Variants in PLD5 observed in about 807,000 individuals in gnomAD.
PLD5 encodes the protein inactive phospholipase D5.
PLD5 carries 36 observed loss-of-function variants against 61.1 expected under a neutral mutation model. The ratio of observed to expected loss-of-function variants is 0.59; its 90% confidence interval spans 0.45 to 0.78. The LOEUF is 0.78. Ranked by LOEUF, PLD5 falls within the 30% of genes least tolerant of loss-of-function variation. The pLI is 0.00. For missense variants in PLD5, 515 were observed against 644.4 expected, an observed-to-expected ratio of 0.80 and a Z score of 2.17; for synonymous variants, 243 against 242.8, an observed-to-expected ratio of 1.00 and a Z score of -0.01.
intron 1 of PLD5, among the ~76,000 whole-genome samples, chr1:242,465,234 G>A (rs1320838222): frequency 1.3e-5 from 2 of 152,014 alleles, no homozygotes; most frequent in African/African-American, 4.8e-5. Context: ...GAAATCACTC[G>A]GACTCTACAC....
intron 2 of PLD5, among the ~76,000 whole-genome samples, chr1:242,340,044 C>A (rs1455845146): frequency 6.6e-6 from 1 of 152,118 alleles, no homozygotes; most frequent in Non-Finnish European, 1.5e-5. Flanking sequence ...AGGGAAAATA[C>A]TTCAGAATAT....
At chr1:242,446,792 G>C (rs1331816904) in intron 1 of PLD5, among the ~76,000 whole-genome samples, 1 of 152,154 alleles carries the variant, frequency 6.6e-6, no homozygotes, top group Non-Finnish European at 1.5e-5. Context: ...TTGAAATTTC[G>C]AGGCTGGGGC....
At position 242,107,708 on chromosome 1, in the gene PLD5, G is replaced by A. The variant is rs759214303; in HGVS notation, c.1202C>T (p.Ala401Val). Residue 401 changes from alanine to valine, a missense_variant, in exon 8 of 10, where the codon GCG (alanine) becomes GTG (valine). By Grantham distance (64) the Ala-to-Val change is moderately conservative (BLOSUM62 0). Around this residue, in one of 2 missense-constraint regions of PLD5, gnomAD observed 450 missense variants for 598.1 expected, o/e 0.75. Transcript: ENST00000536534. ...LTFNFISSLK[A>V]ICTEIANCSL... ...GCAGTTGGCTATTTCAGTGCAAATC[G>A]CTTTAAGAGATGAAATAAAGTTAAA... 9 of 1,601,848 alleles carry A rather than the reference G, an allele frequency of 5.6e-6. No individual in the cohort carries two copies. Among genetic ancestry groups the A allele is most frequent in the African/African-American group, 2.7e-5 (2 of 74,214 alleles).
intron 1 of PLD5, among the ~76,000 whole-genome samples, chr1:242,400,823 T>A (rs1663890536): frequency 6.6e-6 from 1 of 152,108 alleles, no homozygotes; most frequent in Non-Finnish European, 1.5e-5. Context: ...AGGCAAAGCA[T>A]GAGCCTTGAG....
chr1:242,121,713 T>C (rs1026590402), intron 6 of PLD5, among the ~76,000 whole-genome samples: 14 of 151,996 alleles, frequency 9.2e-5, no homozygotes, highest in Non-Finnish European at 1.8e-4. Flanking sequence ...AATGATAGAC[T>C]GGATTAAGAA....
chr1:242,316,857 C>G (rs1361774305), intron 2 of PLD5, among the ~76,000 whole-genome samples: 1 of 152,082 alleles, frequency 6.6e-6, no homozygotes, highest in Non-Finnish European at 1.5e-5. Flanking sequence ...TAAGTGAGAA[C>G]ATGCGGTATT....
chr1:242,361,281 C>T (rs182977429), intron 1 of PLD5, among the ~76,000 whole-genome samples: 1 of 152,060 alleles, frequency 6.6e-6, no homozygotes, highest in African/African-American at 2.4e-5. Flanking sequence ...TTAAATATCT[C>T]CTTGGAACAA....
intron 5 of PLD5, among the ~76,000 whole-genome samples, chr1:242,190,255 C>CCTAT (rs1668173515): frequency 6.7e-6 from 1 of 149,220 alleles, no homozygotes; most frequent in Non-Finnish European, 1.5e-5. Flanking sequence ...ACGCCATTCT[C>CCTAT]CTATCTCAGC....
intron 5 of PLD5, among the ~76,000 whole-genome samples, chr1:242,169,161 T>C (rs1172024611): frequency 6.6e-6 from 1 of 151,982 alleles, no homozygotes; most frequent in African/African-American, 2.4e-5. Flanking sequence ...GATGGTCAAA[T>C]AGGAACAGCT....
At chr1:242,410,927 T>C (rs1664512508) in intron 1 of PLD5, among the ~76,000 whole-genome samples, 1 of 151,622 alleles carries the variant, frequency 6.6e-6, no homozygotes, top group Admixed American at 6.6e-5. Flanking sequence ...AATTTCATTC[T>C]GTGCCCAATG....
intron 3 of PLD5, among the ~76,000 whole-genome samples, chr1:242,282,099 A>G (rs1674747884): frequency 1.3e-5 from 2 of 152,222 alleles, no homozygotes; most frequent in African/African-American, 4.8e-5. Context: ...GTGTGTACAC[A>G]AATCAGTGAA....
Position 242,124,567 on chromosome 1 carries a change from T to A in PLD5, c.834A>T (p.Arg278Ser). Residue 278 changes from arginine (R) to serine (S), a missense_variant, in exon 6 of 10, where the codon AGA (arginine) becomes AGT (serine). By Grantham distance (110) the Arg-to-Ser change is moderately radical. Transcript: ENST00000536534. Reference protein sequence around the residue: ...ALYSSLKFKSRVPQTWSKRLY... With the variant: ...ALYSSLKFKSSVPQTWSKRLY... ...GTCTTTTGGACCAGGTTTGAGGCAC[T>A]CTGCTTTTGAATTTTAATGAACTAT... 1.2e-6 allele frequency: 2 copies of A among 1,613,990 alleles called. No homozygotes were observed. Among genetic ancestry groups the A allele is most frequent in the Non-Finnish European group, 1.7e-6 (2 of 1,179,850 alleles).
chr1:242,525,725 G>A (rs1002495352), upstream of PLD5, among the ~76,000 whole-genome samples: 6 of 152,156 alleles, frequency 3.9e-5, no homozygotes, highest in African/African-American at 1.4e-4. Flanking sequence ...TCTAGCCCTC[G>A]GCAGAACTGC....
chr1:242,329,210 A>T (rs1285709361), intron 2 of PLD5, among the ~76,000 whole-genome samples: 1 of 152,020 alleles, frequency 6.6e-6, no homozygotes, highest in African/African-American at 2.4e-5. Context: ...GGGTTTCACC[A>T]TGTTGCGCAG....
At chr1:242,173,921 G>C (rs1262698527) in intron 5 of PLD5, among the ~76,000 whole-genome samples, 1 of 152,132 alleles carries the variant, frequency 6.6e-6, no homozygotes, top group Non-Finnish European at 1.5e-5. Context: ...AGACTTAAAT[G>C]TTAGATCTAA....
rs144014877 is a variant in PLD5, at chr1:242,512,182, A to T, written c.189+11906T>A. On this transcript the variant is annotated intron_variant, in intron 1 of 9. Transcript: ENST00000536534. ...ATCCCAGCACTTTGGGAGGCCAAGG[A>T]GGGCAGATCACGAGGTCAGGAGATC... Among the ~76,000 whole-genome samples the T allele has an allele frequency of 4.7e-3, 713 of 151,280 alleles. 1 individual carries two copies. The highest frequency in any genetic ancestry group is 6.8e-3 in the Non-Finnish European group (462 of 67,788).
intron 5 of PLD5, among the ~76,000 whole-genome samples, chr1:242,219,437 G>A (rs1304116631): frequency 6.6e-6 from 1 of 152,136 alleles, no homozygotes; most frequent in Admixed American, 6.5e-5. Context: ...ACCTCCTGTC[G>A]CTGGATGACT....
At chr1:242,400,871 G>C (rs1450454215) in intron 1 of PLD5, among the ~76,000 whole-genome samples, 1 of 152,176 alleles carries the variant, frequency 6.6e-6, no homozygotes, top group Non-Finnish European at 1.5e-5. Context: ...TTCCTGGAGT[G>C]AGTAAAAGCC....
intron 1 of PLD5, among the ~76,000 whole-genome samples, chr1:242,493,125 A>G (rs1668222311): frequency 6.6e-6 from 1 of 152,220 alleles, no homozygotes; most frequent in Admixed American, 6.5e-5. Flanking sequence ...AGTTTAGGAT[A>G]TCTCACAAAA....
Sources: gnomAD v4.1 joint callset for allele counts (sites outside exome capture counted in the v4.1 genomes callset) on GRCh38, gnomAD v4.1.1 for gene constraint, gnomAD v4.1.1 regional missense constraint, MANE v1.5 for transcripts, NCBI Gene and HGNC (gene_info 2026-07-23, HGNC 2026-07-21) for gene names.